Variants in DNAAF1 observed in about 807,000 individuals in gnomAD.
The protein encoded by DNAAF1 is dynein assembly factor 1, axonemal.
In DNAAF1, 65 loss-of-function variants were observed where a neutral mutation model predicts 71.1. The ratio of observed to expected loss-of-function variants is 0.91; its 90% confidence interval spans 0.75 to 1.12. The LOEUF is 1.12. DNAAF1 is among the 50% of genes most tolerant of loss of function. The pLI is 0.00. For synonymous variants in DNAAF1, 414 were observed against 354.6 expected (o/e 1.17, Z -1.88); for missense variants, 1,178 against 899.8 (o/e 1.31, Z -3.96).
At chr16:84,175,681 C>A in intron 10 of DNAAF1, 1 of 531,996 alleles carries the variant, frequency 1.9e-6, no homozygotes, top group Non-Finnish European at 3.4e-6. Context: ...CTCTCAGGTA[C>A]CAGGAGGGTG....
intron 7 of DNAAF1, among the ~76,000 whole-genome samples, chr16:84,168,906 C>G (rs1033570013): frequency 1.1e-4 from 16 of 151,308 alleles, no homozygotes; most frequent in African/African-American, 3.9e-4. Flanking sequence ...CGTCACAGCC[C>G]TTAAACCCCC....
chr16:84,166,536 T>C (rs981101965), intron 7 of DNAAF1, among the ~76,000 whole-genome samples: 1 of 151,916 alleles, frequency 6.6e-6, no homozygotes, highest in African/African-American at 2.4e-5. Context: ...GCTTAGCTAA[T>C]TAAAAAAAAG....
At chr16:84,176,694 CTGGGGAGTG>C (rs962893392) in intron 11 of DNAAF1, 41 of 329,232 alleles carry the variant, frequency 1.2e-4, no homozygotes, top group Non-Finnish European at 2.2e-4. Context: ...AACACCACTG[CTGGGGAGTG>C]TGGGGCAAGC....
intron 4 of DNAAF1, among the ~76,000 whole-genome samples, chr16:84,155,188 G>A (rs373415208): frequency 2.0e-5 from 3 of 151,804 alleles, no homozygotes; most frequent in Admixed American, 6.6e-5. Flanking sequence ...GATTACAGGC[G>A]TGAGCCACCA....
chr16:84,177,262 G>A (rs936752555), intron 11 of DNAAF1: 2 of 252,516 alleles, frequency 7.9e-6, no homozygotes, highest in Admixed American at 5.0e-5. Context: ...AGGCCTGGAG[G>A]ACGTTGAATA....
chr16:84,154,632 G>A lies in DNAAF1; in HGVS notation c.408G>A (p.Leu136=). ...EEYTGLRCLW[L]QSNGIQKIEN... ...ACACAGGGCTGCGCTGTCTCTGGCT[G>A]CAGAGCAATGGAATACAGAAAATCG... is the stretch of plus-strand genomic sequence containing the variant. The change falls in exon 4 of 12, where the codon CTG becomes CTA. Residue 136 remains leucine (L), a synonymous_variant. Transcript: ENST00000378553. 1.9e-6 allele frequency: 3 copies of A among 1,614,190 alleles called. No individual in the cohort carries two copies. Among genetic ancestry groups the A allele is most frequent in the Non-Finnish European group, 2.5e-6 (3 of 1,180,038 alleles).
intron 5 of DNAAF1, among the ~76,000 whole-genome samples, chr16:84,158,278 G>A (rs1184099223): frequency 6.6e-6 from 1 of 152,180 alleles, no homozygotes; most frequent in Non-Finnish European, 1.5e-5. Context: ...CAAGAGCAAG[G>A]TGTGGGCAGG....
rs139966225 is a variant in DNAAF1 at position 84,163,859 on chromosome 16, CT to C, written c.864-1910del. Among the ~76,000 whole-genome samples, 1,258 of 144,414 alleles carry C rather than the reference CT, an allele frequency of 8.7e-3. 18 individuals carry two copies. Among genetic ancestry groups the C allele is most frequent in the African/African-American group, 0.025 (994 of 39,130 alleles). 94.7% of individuals were successfully genotyped at this position (144,414 alleles called of 152,430 possible). ...TGCTGATTTTTAAAAAATTAATAGA[CT>C]TTTTTTTTTTTTTGTGGGGGACAGC... On this transcript the variant is annotated intron_variant, in intron 6 of 11. Coordinates refer to ENST00000378553, the MANE Select transcript of DNAAF1 (RefSeq NM_178452.6).
chr16:84,170,443 CTGAG>C, intron 8 of DNAAF1, 87 bp downstream of exon 8: 1 of 1,585,816 alleles, frequency 6.3e-7, no homozygotes, highest in South Asian at 1.1e-5. Flanking sequence ...GACCTGGGGC[CTGAG>C]TTTCACTTCT....
In DNAAF1 at chr16:84,155,188, G is replaced by T. The variant is rs373415208; in HGVS notation, c.574+390G>T. ...CTCCCAAAGTGCTGGGATTACAGGC[G>T]TGAGCCACCATGCCCAGCCAAGAAG... is the stretch of plus-strand genomic sequence containing the variant. On this transcript the variant is annotated intron_variant, in intron 4 of 11. Coordinates refer to ENST00000378553, the MANE Select transcript of DNAAF1 (RefSeq NM_178452.6). Among the ~76,000 whole-genome samples the T allele has an allele frequency of 8.3e-4, 126 of 151,922 alleles. 2 individuals carry two copies. Among genetic ancestry groups the T allele is most frequent in the African/African-American group, 3.0e-3 (123 of 41,406 alleles).
At chr16:84,166,925 G>T (rs541929404) in intron 7 of DNAAF1, among the ~76,000 whole-genome samples, 1 of 152,282 alleles carries the variant, frequency 6.6e-6, no homozygotes, top group Non-Finnish European at 1.5e-5. Flanking sequence ...CAATGTGCAG[G>T]GTGTCCCCAC....
At chr16:84,159,528 TC>T (rs1360070665) in intron 5 of DNAAF1, 146 bp from the exon 6 acceptor site, 1 of 1,120,620 alleles carries the variant, frequency 8.9e-7, no homozygotes, top group East Asian at 2.8e-5. Context: ...TTCCGATTTC[TC>T]CCATCAAGTC....
At position 84,155,636 on chromosome 16, in the gene DNAAF1, G is replaced by A. The variant is rs76598454; in HGVS notation, c.628G>A (p.Val210Met). ...GATGGCCCACAATCACCTGGAGACC[G>A]TGGAGGACATTCAGCATCTACAAGA... ...LQMAHNHLETVEDIQHLQECL... is the reference protein window; with the variant it reads ...LQMAHNHLETMEDIQHLQECL... The change falls in exon 5 of 12, where the codon GTG becomes ATG. Residue 210 changes from valine (V) to methionine (M), a missense_variant. Transcript: ENST00000378553. 110 of 1,614,158 alleles carry A rather than the reference G, an allele frequency of 6.8e-5. No individual in the cohort carries two copies. In the African/African-American group the frequency reaches 7.7e-4, roughly 11 times the overall value.
At chr16:84,168,036 C>A (rs948347991) in intron 7 of DNAAF1, among the ~76,000 whole-genome samples, 2 of 151,522 alleles carry the variant, frequency 1.3e-5, no homozygotes, top group African/African-American at 4.8e-5. Flanking sequence ...AAAAACCCCA[C>A]AAATCTGTTT....
Position 84,154,716 on chromosome 16 carries a change from T to A in DNAAF1, c.492T>A (p.Arg164=), listed in dbSNP as rs756331179. The A allele has an allele frequency of 6.2e-7, 1 of 1,614,166 alleles. No homozygotes were observed. Among genetic ancestry groups the A allele is most frequent in the East Asian group, 2.2e-5 (1 of 44,880 alleles). ...TCTTCTTGCAAATGAACTTGCTCCG[T>A]AAAATTGAGAACCTGGAACCTCTGC... ...RCLFLQMNLL[R]KIENLEPLQK... The change falls in exon 4 of 12, where the codon CGT becomes CGA. Residue 164 remains arginine (R), a synonymous_variant. Coordinates refer to ENST00000378553, the MANE Select transcript of DNAAF1 (RefSeq NM_178452.6).
rs772771852 is a variant in DNAAF1, at chr16:84,174,725, T to G, written c.1698+3T>G. On this transcript the variant is annotated splice_donor_region_variant and intron_variant, in intron 10 of 11. Coordinates refer to ENST00000378553, the MANE Select transcript of DNAAF1 (RefSeq NM_178452.6). The stretch of plus-strand genomic sequence containing the variant: ...CAGGCAAATCTCTGGAAGACCAGGT[T>G]AAGGTCATTAGAAACCATTTTCCCA... 1 of 1,614,126 alleles carries G rather than the reference T, an allele frequency of 6.2e-7. No individual in the cohort carries two copies.
intron 1 of DNAAF1, among the ~76,000 whole-genome samples, chr16:84,148,596 C>CTCTTTTTTTTTTTTTT: frequency 4.6e-5 from 2 of 43,576 alleles, no homozygotes; most frequent in African/African-American, 9.2e-5. Flanking sequence ...CTCTCTCTCT[C>CTCTTTTTTTTTTTTTT]TTTTTTTTTT....
At chr16:84,174,114 AGCTAGAAAATGGTGG>A (rs1307654325) in intron 9 of DNAAF1, 11 of 921,196 alleles carry the variant, frequency 1.2e-5, no homozygotes, top group Non-Finnish European at 1.4e-5. Context: ...AAAGCCAGAC[AGCTAGAAAATGGTGG>A]TGGGGGAGTA....
Position 84,172,543 on chromosome 16 carries a change from C to T in DNAAF1, c.1644+168C>T, listed in dbSNP as rs905575900. The T allele has an allele frequency of 2.4e-5, 35 of 1,447,038 alleles. No homozygotes were observed. In the Admixed American group the frequency reaches 4.6e-4, roughly 19 times the overall value. The allele number at this position is 1,447,038 out of a possible 1,614,324, so 89.6% of individuals were successfully genotyped here. Reference sequence around the variant, plus strand: ...GAAATGCAGACTCCCAGGCCTCACCCCAGGCCCACTGATTAGAATCCAACT... The same window carrying T: ...GAAATGCAGACTCCCAGGCCTCACCTCAGGCCCACTGATTAGAATCCAACT... On this transcript the variant is annotated intron_variant, in intron 9 of 11. Transcript: ENST00000378553.
Sources: gnomAD v4.1 joint callset for allele counts (sites outside exome capture counted in the v4.1 genomes callset) on GRCh38, gnomAD v4.1.1 for gene constraint, MANE v1.5 for transcripts, NCBI Gene and HGNC (gene_info 2026-07-23, HGNC 2026-07-21) for gene names.